COL13A1: variants seen among roughly 807,000 people sequenced by gnomAD.
COL13A1 encodes the protein collagen alpha-1(XIII) chain.
COL13A1 carries 89 observed loss-of-function variants against 130.9 expected under a neutral mutation model. That is an observed-to-expected ratio of 0.68 (90% CI 0.57 to 0.81). The LOEUF (loss-of-function observed/expected upper bound fraction) is 0.81. Ranked by LOEUF, COL13A1 falls within the 30% of genes least tolerant of loss-of-function variation. The probability of loss-of-function intolerance (pLI) is 0.00; values close to 1 mark genes in which losing one functional copy is unlikely to be tolerated. For synonymous variants in COL13A1, 402 were observed against 341.6 expected, an observed-to-expected ratio of 1.18 and a Z score of -1.95; for missense variants, 879 against 934.6, an observed-to-expected ratio of 0.94 and a Z score of 0.78.
At chr10:69,943,796 G>A (rs1051057069) in intron 35 of COL13A1, among the ~76,000 whole-genome samples, 2 of 152,226 alleles carry the variant, frequency 1.3e-5, no homozygotes, top group African/African-American at 4.8e-5. Flanking sequence ...CCCCTGCCCC[G>A]GGATGGGTCC....
At chr10:69,911,305 A>G (rs1158464806) in intron 17 of COL13A1, among the ~76,000 whole-genome samples, 1 of 152,222 alleles carries the variant, frequency 6.6e-6, no homozygotes, top group Non-Finnish European at 1.5e-5. Context: ...AACTCGTGCA[A>G]TTGTAACTAC....
chr10:69,884,390 A>G (rs568187328), intron 7 of COL13A1, among the ~76,000 whole-genome samples: 2 of 152,296 alleles, frequency 1.3e-5, no homozygotes, highest in East Asian at 3.9e-4. Flanking sequence ...GCCGGCAAGG[A>G]GTCTTGTTGG....
chr10:69,871,460 G>A (rs1276145759), intron 3 of COL13A1, among the ~76,000 whole-genome samples: 3 of 152,176 alleles, frequency 2.0e-5, no homozygotes, highest in Admixed American at 6.5e-5. Context: ...CCCCATGAAC[G>A]CTGTAGCCCC....
At chr10:69,942,378 C>T (rs1149694) in intron 35 of COL13A1, among the ~76,000 whole-genome samples, 1 of 152,196 alleles carries the variant, frequency 6.6e-6, no homozygotes, top group Non-Finnish European at 1.5e-5. Context: ...CCCTCTCCAT[C>T]CTTCCCCACC....
At chr10:69,805,416 A>G (rs1174394326) in intron 1 of COL13A1, among the ~76,000 whole-genome samples, 1 of 152,190 alleles carries the variant, frequency 6.6e-6, no homozygotes, top group African/African-American at 2.4e-5. Flanking sequence ...GGATGGCGTG[A>G]GTGGCCTTAT....
At chr10:69,934,926 G>T (rs141536123) in intron 31 of COL13A1, among the ~76,000 whole-genome samples, 1 of 152,162 alleles carries the variant, frequency 6.6e-6, no homozygotes, top group Non-Finnish European at 1.5e-5. Context: ...CTGCAAGAGC[G>T]CTGGATCAAA....
chr10:69,823,734 C>G lies in COL13A1; in HGVS notation c.364+1296C>G, dbSNP rs565364133. 2.6e-5 allele frequency among the ~76,000 whole-genome samples: 4 copies of G among 152,274 alleles called. No homozygotes were observed. In the East Asian group the frequency reaches 7.7e-4, roughly 29 times the overall value. Reference sequence around the variant, plus strand: ...GAGACCGTGAAAAGATTCAGCTGGACCCGGTGAGAAGAGGGTCGTCCGGGT... The same window carrying G: ...GAGACCGTGAAAAGATTCAGCTGGAGCCGGTGAGAAGAGGGTCGTCCGGGT... On this transcript the variant is annotated intron_variant, in intron 2 of 40. Coordinates refer to ENST00000645393, the MANE Select transcript of COL13A1 (RefSeq NM_001368882.1).
rs141594573 is a variant in COL13A1, at chr10:69,828,322, T to C, written c.364+5884T>C. Among the ~76,000 whole-genome samples the C allele has an allele frequency of 8.7e-3, 1,321 of 152,044 alleles. 13 individuals are homozygous for C. The highest frequency in any genetic ancestry group is 0.011 in the Non-Finnish European group (733 of 67,954). On this transcript the variant is annotated intron_variant, in intron 2 of 40. Coordinates refer to ENST00000645393, the MANE Select transcript of COL13A1 (RefSeq NM_001368882.1). ...CTTTGCAGCCCCACCGCATGTCCCA[T>C]CTGGCCTCCCAGACACCCAGGTGCA...
intron 12 of COL13A1, 93 bp from the exon 13 acceptor site, chr10:69,895,457 G>C: frequency 7.4e-7 from 1 of 1,355,438 alleles, no homozygotes; most frequent in Non-Finnish European, 1.1e-6. Flanking sequence ...GCGGTGACAT[G>C]TGTGGCATGT....
Position 69,807,964 on chromosome 10 carries a change from C to T in COL13A1, c.294+5247C>T, listed in dbSNP as rs561195734. Among the ~76,000 whole-genome samples, 13 of 152,286 alleles carry T rather than the reference C, an allele frequency of 8.5e-5. No homozygotes were observed. The South Asian group carries it at 2.7e-3, about 32-fold the overall frequency. ...TGGAGCTTACATGCAGCCTCAGAAT[C>T]CTTTTCAACAGTGTTCAGGAAGCTG... On this transcript the variant is annotated intron_variant, in intron 1 of 40. Transcript: ENST00000645393.
chr10:69,836,124 C>A (rs1206971405), intron 2 of COL13A1, among the ~76,000 whole-genome samples: 3 of 152,234 alleles, frequency 2.0e-5, no homozygotes, highest in African/African-American at 4.8e-5. Flanking sequence ...CACTCCCCAC[C>A]AAACAGTTTT....
intron 3 of COL13A1, among the ~76,000 whole-genome samples, chr10:69,868,904 A>T (rs1171818583): frequency 6.6e-6 from 1 of 152,090 alleles, no homozygotes; most frequent in Non-Finnish European, 1.5e-5. Context: ...TTCCAAAATA[A>T]ACTCTGCCAT....
At chr10:69,812,319 C>T (rs898527513) in intron 1 of COL13A1, among the ~76,000 whole-genome samples, 9 of 152,174 alleles carry the variant, frequency 5.9e-5, no homozygotes, top group African/African-American at 2.2e-4. Context: ...ACCAGCTCTG[C>T]CAGTTACTGC....
Position 69,824,187 on chromosome 10 carries a change from C to T in COL13A1, c.364+1749C>T, listed in dbSNP as rs1215441698. 3 of 471,346 alleles carry T rather than the reference C, an allele frequency of 6.4e-6. No homozygotes were observed. The Admixed American group carries it at 7.1e-5, about 11-fold the overall frequency. The allele number at this position is 471,346 out of a possible 1,614,324, so 29.2% of individuals were successfully genotyped here. On this transcript the variant is annotated intron_variant, in intron 2 of 40. Transcript: ENST00000645393. ...AATAGACACCAGCAAGGTAGAGATT[C>T]CTCGAGATAATCCTGGGAACTGCTT...
At chr10:69,884,053 C>T (rs2060385085) in intron 7 of COL13A1, among the ~76,000 whole-genome samples, 1 of 152,198 alleles carries the variant, frequency 6.6e-6, no homozygotes, top group Non-Finnish European at 1.5e-5. Flanking sequence ...TTGAGTAACA[C>T]AGTACTCTTT....
intron 2 of COL13A1, among the ~76,000 whole-genome samples, chr10:69,848,195 G>A (rs1853678489): frequency 6.6e-6 from 1 of 152,202 alleles, no homozygotes; most frequent in Non-Finnish European, 1.5e-5. Flanking sequence ...GGATCAGATG[G>A]CCGCATCTGA....
intron 2 of COL13A1, among the ~76,000 whole-genome samples, chr10:69,864,381 C>T (rs1859193727): frequency 6.6e-6 from 1 of 152,124 alleles, no homozygotes; most frequent in Admixed American, 6.5e-5. Flanking sequence ...CCCTTAAACC[C>T]TCATGTTTGT....
intron 4 of COL13A1, among the ~76,000 whole-genome samples, chr10:69,873,719 C>T (rs2059314356): frequency 6.6e-6 from 1 of 152,246 alleles, no homozygotes; most frequent in Non-Finnish European, 1.5e-5. Context: ...GGCCTGGGGT[C>T]CTTCGCAGGC....
In COL13A1 at chr10:69,856,736, T is replaced by C. The variant is rs12249986; in HGVS notation, c.365-11062T>C. The stretch of plus-strand genomic sequence containing the variant: ...GGAGCAAGGCTTGCACAACAGATGA[T>C]TTCCTGGGAAGGGCCCAAGGTGAGG... On this transcript the variant is annotated intron_variant, in intron 2 of 40. Coordinates refer to ENST00000645393, the MANE Select transcript of COL13A1 (RefSeq NM_001368882.1). Among the ~76,000 whole-genome samples the C allele has an allele frequency of 7.8e-3, 1,194 of 152,208 alleles. 14 individuals are homozygous for C. Among genetic ancestry groups the C allele is most frequent in the African/African-American group, 0.027 (1,109 of 41,530 alleles).
Sources: gnomAD v4.1 joint callset for allele counts (sites outside exome capture counted in the v4.1 genomes callset) on GRCh38, gnomAD v4.1.1 for gene constraint, MANE v1.5 for transcripts, NCBI Gene and HGNC (gene_info 2026-07-23, HGNC 2026-07-21) for gene names.